MPDZ: variants seen among roughly 807,000 people sequenced by gnomAD.
The protein encoded by MPDZ is multiple PDZ domain crumbs cell polarity complex component, also known as multiple PDZ domain protein.
Under a neutral mutation model 239.1 loss-of-function variants are expected in MPDZ, and 234 were observed. That is an observed-to-expected ratio of 0.98 (90% CI 0.88 to 1.09). The LOEUF (loss-of-function observed/expected upper bound fraction) is 1.09. Ranked by LOEUF, MPDZ falls within the 50% of genes least tolerant of loss-of-function variation. The pLI is 0.00. For missense variants in MPDZ, 3,175 were observed against 2,510.0 expected, an observed-to-expected ratio of 1.26 and a Z score of -5.66; for synonymous variants, 1,048 against 881.3, an observed-to-expected ratio of 1.19 and a Z score of -3.35.
intron 12 of MPDZ, among the ~76,000 whole-genome samples, chr9:13,201,292 C>T (rs1956357986): frequency 6.6e-6 from 1 of 151,966 alleles, no homozygotes; most frequent in African/African-American, 2.4e-5. Flanking sequence ...CGCTAGAAAG[C>T]AATATAGCAA....
chr9:13,279,299 AAG>A (rs1975097237), intron 1 of MPDZ, 99 bp downstream of exon 1: 1 of 113,988 alleles, frequency 8.8e-6, no homozygotes, highest in Admixed American at 7.9e-5. Flanking sequence ...CCCCACCCCC[AAG>A]CGCCGAGCCC....
At chr9:13,141,690 G>C (rs1947715689) in intron 27 of MPDZ, among the ~76,000 whole-genome samples, 1 of 152,026 alleles carries the variant, frequency 6.6e-6, no homozygotes, top group Non-Finnish European at 1.5e-5. Flanking sequence ...CCACGAATTA[G>C]GATACCTAAA....
At chr9:13,131,163 CCTT>C (rs1372949183) in intron 32 of MPDZ, among the ~76,000 whole-genome samples, 1 of 151,936 alleles carries the variant, frequency 6.6e-6, no homozygotes, top group African/African-American at 2.4e-5. Context: ...TTTCTTTCTC[CCTT>C]CTTTGCTTAA....
Position 13,223,594 on chromosome 9 carries a change from T to A in MPDZ, c.510A>T (p.Ile170=). 6.2e-7 allele frequency: 1 copy of A among 1,612,206 alleles called. No homozygotes were observed. ...RGELGIFVQE[I]QEGSVAHRDG... The stretch of plus-strand genomic sequence containing the variant: ...ACCTATGGGCCACACTGCCCTCTTG[T>A]ATCTCTTGAACAAATATTCCCAGCT... Residue 170 remains isoleucine, a synonymous_variant, in exon 5 of 47, where the codon ATA becomes ATT. Transcript: ENST00000319217.
chr9:13,196,859 T>C (rs1955715575), intron 12 of MPDZ, among the ~76,000 whole-genome samples: 1 of 151,950 alleles, frequency 6.6e-6, no homozygotes, highest in Non-Finnish European at 1.5e-5. Context: ...AACAAGAAAC[T>C]GGTTGAGAAA....
chr9:13,241,059 G>A (rs888348002), intron 3 of MPDZ, among the ~76,000 whole-genome samples: 5 of 151,850 alleles, frequency 3.3e-5, no homozygotes, highest in South Asian at 2.1e-4. Context: ...TCTTGCCCAC[G>A]GTAAAACAAA....
chr9:13,203,773 C>T (rs55726833), intron 12 of MPDZ, among the ~76,000 whole-genome samples: 2 of 125,634 alleles, frequency 1.6e-5, no homozygotes, highest in Non-Finnish European at 3.5e-5. Context: ...CACACACACA[C>T]AGAGAGAGAA....
intron 1 of MPDZ, among the ~76,000 whole-genome samples, chr9:13,273,326 T>G (rs945942201): frequency 1.1e-4 from 16 of 152,340 alleles, no homozygotes; most frequent in East Asian, 3.9e-4. Flanking sequence ...TAATCTTTAA[T>G]CTTTATGACT....
At chr9:13,115,114 C>G (rs957648823) in intron 40 of MPDZ, 134 bp downstream of exon 40, 10 of 675,086 alleles carry the variant, frequency 1.5e-5, no homozygotes, top group Non-Finnish European at 2.6e-5. Context: ...TTCTCTGTCT[C>G]AAACTCTGCA....
At chr9:13,132,018 T>C (rs1301216305) in intron 32 of MPDZ, among the ~76,000 whole-genome samples, 1 of 152,230 alleles carries the variant, frequency 6.6e-6, no homozygotes, top group African/African-American at 2.4e-5. Flanking sequence ...TTGGCTTTCA[T>C]CAATAAATAC....
intron 1 of MPDZ, among the ~76,000 whole-genome samples, chr9:13,273,097 T>C (rs1973383971): frequency 6.6e-6 from 1 of 152,126 alleles, no homozygotes; most frequent in Non-Finnish European, 1.5e-5. Context: ...CAACACGGCA[T>C]CATCTATGAG....
At chr9:13,108,048 T>C (rs1156318669) in intron 46 of MPDZ, among the ~76,000 whole-genome samples, 3 of 151,980 alleles carry the variant, frequency 2.0e-5, no homozygotes, top group African/African-American at 4.8e-5. Context: ...ACACTTTAAA[T>C]TGGCTAAAAA....
intron 15 of MPDZ, among the ~76,000 whole-genome samples, chr9:13,190,744 G>C (rs1204464680): frequency 6.6e-6 from 1 of 152,106 alleles, no homozygotes; most frequent in African/African-American, 2.4e-5. Context: ...AAAATGCTGT[G>C]ACTTGTGCAT....
At chr9:13,119,768 T>A in intron 38 of MPDZ, 119 bp from the exon 39 acceptor site, 1 of 1,192,038 alleles carries the variant, frequency 8.4e-7, no homozygotes, top group Non-Finnish European at 1.2e-6. Flanking sequence ...TTAAAAGTTT[T>A]GTTATTTGGA....
chr9:13,145,120 G>A (rs185447666), intron 26 of MPDZ, among the ~76,000 whole-genome samples: 23 of 152,024 alleles, frequency 1.5e-4, no homozygotes, highest in Admixed American at 1.5e-3. Context: ...TGATAGCAAA[G>A]TGTAAAAGTA....
chr9:13,183,710 C>T, intron 18 of MPDZ, 125 bp from the exon 19 acceptor site: 1 of 868,764 alleles, frequency 1.2e-6, no homozygotes, highest in Non-Finnish European at 1.8e-6. Flanking sequence ...TCTATATGCC[C>T]TCTTAACCCT....
At chr9:13,219,215 T>A (rs979507215) in intron 8 of MPDZ, among the ~76,000 whole-genome samples, 1 of 151,682 alleles carries the variant, frequency 6.6e-6, no homozygotes, top group South Asian at 2.1e-4. Context: ...TTACAGAGAG[T>A]CTTCTAACTG....
At chr9:13,214,732 C>A (rs927774312) in intron 10 of MPDZ, among the ~76,000 whole-genome samples, 1 of 151,890 alleles carries the variant, frequency 6.6e-6, no homozygotes, top group Non-Finnish European at 1.5e-5. Context: ...TTTCACTTTC[C>A]CTCAAAACAA....
intron 3 of MPDZ, among the ~76,000 whole-genome samples, chr9:13,228,146 G>C (rs1961219227): frequency 6.6e-6 from 1 of 152,034 alleles, no homozygotes. Flanking sequence ...TTTATATACA[G>C]ATAAACATTC....
Sources: allele counts gnomAD v4.1 joint callset (sites outside exome capture counted in the v4.1 genomes callset), GRCh38; gene constraint gnomAD v4.1.1; transcripts MANE v1.5; gene names NCBI Gene and HGNC (gene_info 2026-07-23, HGNC 2026-07-21).